The following MAGI2 variants were observed in gnomAD, a reference collection of about 807,000 sequenced individuals.
MAGI2 encodes the protein membrane-associated guanylate kinase, WW and PDZ domain-containing protein 2.
Under a neutral mutation model 133.3 loss-of-function variants are expected in MAGI2, and 35 were observed. The observed-to-expected ratio is 0.26, with a 90% CI of 0.20 to 0.35. The LOEUF is 0.35. Ranked by LOEUF, MAGI2 falls within the 10% of genes least tolerant of loss-of-function variation. MAGI2 has a pLI of 1.00. For synonymous variants in MAGI2, 729 were observed against 710.6 expected, an observed-to-expected ratio of 1.03 and a Z score of -0.41; for missense variants, 1,636 against 1,863.4, an observed-to-expected ratio of 0.88 and a Z score of 2.25.
chr7:78,084,147 A>T (rs1443420754), intron 20 of MAGI2, among the ~76,000 whole-genome samples: 4 of 152,198 alleles, frequency 2.6e-5, no homozygotes, highest in African/African-American at 4.8e-5. Context: ...GTGATCCCAG[A>T]TTATAACTAG....
At chr7:78,279,453 T>G (rs1562739218) in intron 9 of MAGI2, among the ~76,000 whole-genome samples, 1 of 151,466 alleles carries the variant, frequency 6.6e-6, no homozygotes, top group Non-Finnish European at 1.5e-5. Context: ...TTAGACACAA[T>G]TATTTAGTCA....
At chr7:78,429,935 A>G (rs910289803) in intron 6 of MAGI2, among the ~76,000 whole-genome samples, 1 of 152,152 alleles carries the variant, frequency 6.6e-6, no homozygotes, top group Non-Finnish European at 1.5e-5. Context: ...TGTCTAGTAT[A>G]GTGATGGAGT....
At chr7:78,342,493 TA>T (rs1790492756) in intron 9 of MAGI2, among the ~76,000 whole-genome samples, 1 of 152,168 alleles carries the variant, frequency 6.6e-6, no homozygotes, top group Admixed American at 6.5e-5. Flanking sequence ...CATTCTACTA[TA>T]AAGACACATG....
In MAGI2 at chr7:78,859,755, C is replaced by T. The variant is rs185178830; in HGVS notation, c.418+147335G>A. ...TCTTGAGGAGTATCTTCATGGCGTTCTCTGTATTTCCTGAATTTGAATGTT... is the reference window on the plus strand; with the variant it reads ...TCTTGAGGAGTATCTTCATGGCGTTTTCTGTATTTCCTGAATTTGAATGTT... On this transcript the variant is annotated intron_variant, in intron 2 of 21. Transcript: ENST00000354212. Among the ~76,000 whole-genome samples, 7 of 152,214 alleles carry T rather than the reference C, an allele frequency of 4.6e-5. No individual in the cohort carries two copies. In the East Asian group the frequency reaches 1.4e-3, roughly 29 times the overall value.
intron 2 of MAGI2, among the ~76,000 whole-genome samples, chr7:78,649,079 G>A (rs781222910): frequency 5.9e-5 from 9 of 151,760 alleles, no homozygotes; most frequent in Non-Finnish European, 1.3e-4. Flanking sequence ...ATTCTGACTG[G>A]TTGCCATTTT....
intron 7 of MAGI2, chr7:78,350,106 G>T (rs1286298383): frequency 6.6e-6 from 1 of 152,194 alleles, no homozygotes; most frequent in Non-Finnish European, 1.5e-5. Context: ...ATATCTTAAA[G>T]ATTCCGTTTT....
chr7:79,386,164 C>T (rs1488584649), intron 1 of MAGI2, among the ~76,000 whole-genome samples: 1 of 151,850 alleles, frequency 6.6e-6, no homozygotes, highest in African/African-American at 2.4e-5. Flanking sequence ...ATAATTTATA[C>T]TAATGGTTAC....
chr7:79,428,479 G>A (rs548239390), intron 1 of MAGI2, among the ~76,000 whole-genome samples: 1 of 152,182 alleles, frequency 6.6e-6, no homozygotes, highest in East Asian at 1.9e-4. Flanking sequence ...GTCTTGCCAT[G>A]CTGATATTTA....
intron 1 of MAGI2, among the ~76,000 whole-genome samples, chr7:79,427,406 A>G (rs1469715170): frequency 6.6e-6 from 1 of 152,184 alleles, no homozygotes; most frequent in African/African-American, 2.4e-5. Context: ...ATTTTTTAAA[A>G]AAGATGCCAT....
chr7:78,264,028 G>T (rs562544483), intron 9 of MAGI2, among the ~76,000 whole-genome samples: 4 of 151,980 alleles, frequency 2.6e-5, no homozygotes, highest in South Asian at 2.1e-4. Flanking sequence ...CTTTCTGACC[G>T]CCTCCTTTAG....
chr7:78,592,201 G>A (rs945203328), intron 3 of MAGI2, among the ~76,000 whole-genome samples: 1 of 152,174 alleles, frequency 6.6e-6, no homozygotes, highest in Non-Finnish European at 1.5e-5. Context: ...CAAATGGAGA[G>A]ATTTCATTGC....
rs145413620 is a variant in MAGI2, at chr7:78,844,443, A to C, written c.418+162647T>G. Among the ~76,000 whole-genome samples the C allele has an allele frequency of 2.3e-3, 357 of 152,092 alleles. 3 individuals carry two copies. The highest frequency in any genetic ancestry group is 8.1e-3 in the African/African-American group (338 of 41,550). On this transcript the variant is annotated intron_variant, in intron 2 of 21. Coordinates refer to ENST00000354212, the MANE Select transcript of MAGI2 (RefSeq NM_012301.4). The stretch of plus-strand genomic sequence containing the variant: ...TAATGAATGGATACACAAATGGGGA[A>C]TATCCATACAATGGAGTATTATTTA...
chr7:78,068,224 A>T (rs1352606415), intron 21 of MAGI2, among the ~76,000 whole-genome samples: 2 of 152,166 alleles, frequency 1.3e-5, no homozygotes, highest in African/African-American at 4.8e-5. Flanking sequence ...TGCCATTCGC[A>T]GTAGGGTTTG....
Position 79,228,623 on chromosome 7 carries a change from A to T in MAGI2, c.302-221417T>A, listed in dbSNP as rs1159682938. On this transcript the variant is annotated intron_variant, in intron 1 of 21. Coordinates refer to ENST00000354212, the MANE Select transcript of MAGI2 (RefSeq NM_012301.4). ...CACTCTCTTCCAACAATGAAAACTA[A>T]GAAAATGAACCCAAAGAAGACTTGC... Among the ~76,000 whole-genome samples the T allele has an allele frequency of 2.0e-5, 3 of 152,126 alleles. No homozygotes were observed. The East Asian group carries it at 5.8e-4, about 29-fold the overall frequency.
intron 2 of MAGI2, among the ~76,000 whole-genome samples, chr7:78,703,958 A>T (rs1233768384): frequency 6.6e-6 from 1 of 152,100 alleles, no homozygotes; most frequent in Non-Finnish European, 1.5e-5. Context: ...AAAACCTGAA[A>T]CTATCAAAAC....
intron 6 of MAGI2, among the ~76,000 whole-genome samples, chr7:78,477,535 G>T (rs539101447): frequency 1.8e-4 from 28 of 151,898 alleles, no homozygotes; most frequent in Non-Finnish European, 4.0e-4. Context: ...CACAATCATG[G>T]CAGAAGATGA....
chr7:79,450,366 A>T (rs950787654), intron 1 of MAGI2, among the ~76,000 whole-genome samples: 3 of 152,160 alleles, frequency 2.0e-5, no homozygotes, highest in Non-Finnish European at 4.4e-5. Flanking sequence ...ATCATAAATA[A>T]AATTAATCTA....
intron 1 of MAGI2, among the ~76,000 whole-genome samples, chr7:79,023,079 A>T (rs1809506026): frequency 6.6e-6 from 1 of 152,222 alleles, no homozygotes; most frequent in East Asian, 1.9e-4. Flanking sequence ...TAGATGCAAA[A>T]TTCCTCAACA....
intron 1 of MAGI2, among the ~76,000 whole-genome samples, chr7:79,343,746 A>G (rs1240630295): frequency 1.3e-5 from 2 of 152,154 alleles, no homozygotes; most frequent in African/African-American, 4.8e-5. Context: ...ATTACTTTTT[A>G]GTTTTCATTT....
Sources: allele counts gnomAD v4.1 joint callset (sites outside exome capture counted in the v4.1 genomes callset), GRCh38; gene constraint gnomAD v4.1.1; transcripts MANE v1.5; gene names NCBI Gene and HGNC (gene_info 2026-07-23, HGNC 2026-07-21).